PRKCB: variants seen among roughly 807,000 people sequenced by gnomAD.
The protein encoded by PRKCB is protein kinase C beta, also known as protein kinase C beta type.
Under a neutral mutation model 81.5 loss-of-function variants are expected in PRKCB, and 13 were observed. The observed-to-expected ratio is 0.16, with a 90% CI of 0.10 to 0.25. PRKCB has a LOEUF of 0.25. Ranked by LOEUF, PRKCB falls within the 10% of genes least tolerant of loss-of-function variation. The pLI, the probability that PRKCB is intolerant of heterozygous loss-of-function variation, is 1.00. For missense variants in PRKCB, 509 were observed against 875.7 expected, an observed-to-expected ratio of 0.58 and a Z score of 5.29; for synonymous variants, 335 against 321.4, an observed-to-expected ratio of 1.04 and a Z score of -0.45.
In PRKCB at chr16:24,188,962, C is replaced by T. The variant is rs970586388; in HGVS notation, c.1723-2128C>T. Among the ~76,000 whole-genome samples, 5 of 152,290 alleles carry T rather than the reference C, an allele frequency of 3.3e-5. No individual in the cohort carries two copies. The Middle Eastern group carries it at 0.014, about 414-fold the overall frequency. On this transcript the variant is annotated intron_variant, in intron 15 of 16. Coordinates refer to ENST00000643927, the MANE Select transcript of PRKCB (RefSeq NM_002738.7). ...ATATGATGTTGTCATACTCAGTACA[C>T]GGAAGCCGTTATTGATGTTATTATC... is the stretch of plus-strand genomic sequence containing the variant.
chr16:23,865,852 A>T (rs1293100616), intron 2 of PRKCB, among the ~76,000 whole-genome samples: 2 of 151,740 alleles, frequency 1.3e-5, no homozygotes, highest in East Asian at 3.9e-4. Context: ...AGCCCAGAAG[A>T]GGGAGGCCTC....
chr16:23,866,768 GC>G (rs1330316511), intron 2 of PRKCB, among the ~76,000 whole-genome samples: 1 of 152,184 alleles, frequency 6.6e-6, no homozygotes, highest in Non-Finnish European at 1.5e-5. Context: ...CTCCAGAATA[GC>G]TGGACCACTG....
intron 9 of PRKCB, among the ~76,000 whole-genome samples, chr16:24,135,555 C>G (rs1385879164): frequency 1.3e-5 from 2 of 152,016 alleles, no homozygotes; most frequent in African/African-American, 4.8e-5. Flanking sequence ...TCAAGTGATC[C>G]GCCTGCCTCA....
chr16:23,927,952 C>G (rs1963919107), intron 2 of PRKCB, among the ~76,000 whole-genome samples: 1 of 151,846 alleles, frequency 6.6e-6, no homozygotes. Context: ...TGAGCCTTAG[C>G]TGCACATCAG....
rs868626400 is a variant in PRKCB at position 24,052,247 on chromosome 16, C to T, written c.529+16700C>T. ...AGAATCATCTAGAGAGTGCCCCACCCTCAGAGTTTCTGATTCAGTAGACAT... is the reference window on the plus strand; with the variant it reads ...AGAATCATCTAGAGAGTGCCCCACCTTCAGAGTTTCTGATTCAGTAGACAT... On this transcript the variant is annotated intron_variant, in intron 5 of 16. Coordinates refer to ENST00000643927, the MANE Select transcript of PRKCB (RefSeq NM_002738.7). Among the ~76,000 whole-genome samples, 36 of 152,172 alleles carry T rather than the reference C, an allele frequency of 2.4e-4. 1 individual carries two copies. The highest frequency in any genetic ancestry group is 2.8e-4 in the Non-Finnish European group (19 of 68,030).
At chr16:23,853,100 G>A (rs1339478116) in intron 2 of PRKCB, among the ~76,000 whole-genome samples, 1 of 152,198 alleles carries the variant, frequency 6.6e-6, no homozygotes, top group Non-Finnish European at 1.5e-5. Flanking sequence ...CATTCTGACA[G>A]TTTTTCCACA....
rs56902454 is a variant in PRKCB at position 24,182,902 on chromosome 16, T to TGTGTGTGTGTGTGTGTGTG, written c.1533+1974_1533+1975insGTGTGTGTGTGTGTGTGTG. ...GTGTGTGTGTGTGTGTGTGTGTGTG[T>TGTGTGTGTGTGTGTGTGTG]TTGAGACAGGGTCTCACTCTGTCTA... On this transcript the variant is annotated intron_variant, in intron 13 of 16. Coordinates refer to ENST00000643927, the MANE Select transcript of PRKCB (RefSeq NM_002738.7). 2.0e-4 allele frequency among the ~76,000 whole-genome samples: 31 copies of TGTGTGTGTGTGTGTGTGTG among 151,540 alleles called. 1 individual carries two copies. Among genetic ancestry groups the TGTGTGTGTGTGTGTGTGTG allele is most frequent in the African/African-American group, 4.4e-4 (18 of 41,202 alleles).
chr16:23,891,426 G>A (rs1480937567), intron 2 of PRKCB, among the ~76,000 whole-genome samples: 2 of 152,134 alleles, frequency 1.3e-5, no homozygotes, highest in African/African-American at 2.4e-5. Flanking sequence ...GTGTATGTAT[G>A]TGTGTGTATA....
intron 7 of PRKCB, among the ~76,000 whole-genome samples, chr16:24,110,135 G>T: frequency 1.0e-5 from 1 of 96,268 alleles, no homozygotes; most frequent in Non-Finnish European, 1.9e-5. Context: ...GAGAGGGAGA[G>T]GGAGAGGAGG....
intron 2 of PRKCB, among the ~76,000 whole-genome samples, chr16:23,839,569 C>A (rs531463815): frequency 6.6e-6 from 1 of 152,236 alleles, no homozygotes; most frequent in South Asian, 2.1e-4. Flanking sequence ...CACTATGCCC[C>A]TCTGGAGTGT....
intron 3 of PRKCB, among the ~76,000 whole-genome samples, chr16:24,008,889 C>T (rs1965163926): frequency 6.6e-6 from 1 of 152,178 alleles, no homozygotes; most frequent in Non-Finnish European, 1.5e-5. Context: ...ACCACCCTTT[C>T]ACTCTGATTT....
rs369458504 is a variant in PRKCB, at chr16:23,873,954, G to A, written c.205+36548G>A. ...TACTAGATTCTTGCCTCCTGCCTCT[G>A]TAAATCACTCGGTCACTTCCCGATC... On this transcript the variant is annotated intron_variant, in intron 2 of 16. Transcript: ENST00000643927. 2.6e-5 allele frequency among the ~76,000 whole-genome samples: 4 copies of A among 151,890 alleles called. No homozygotes were observed. The East Asian group carries it at 5.8e-4, about 22-fold the overall frequency.
chr16:24,156,122 C>G (rs1967152351), intron 10 of PRKCB, among the ~76,000 whole-genome samples: 1 of 152,070 alleles, frequency 6.6e-6, no homozygotes, highest in African/African-American at 2.4e-5. Context: ...AGTGAGAATG[C>G]CTTTATAAAG....
At chr16:23,888,887 C>T (rs1186227656) in intron 2 of PRKCB, among the ~76,000 whole-genome samples, 4 of 152,192 alleles carry the variant, frequency 2.6e-5, no homozygotes, top group Non-Finnish European at 4.4e-5. Context: ...CCTATCACAG[C>T]TTTTCCACAG....
chr16:23,975,571 A>G (rs1295003528), intron 2 of PRKCB, among the ~76,000 whole-genome samples: 1 of 152,076 alleles, frequency 6.6e-6, no homozygotes, highest in Middle Eastern at 3.2e-3. Context: ...TCTTTGGGTG[A>G]CCTGAGTCAC....
At chr16:24,183,208 T>C (rs1967654526) in intron 13 of PRKCB, among the ~76,000 whole-genome samples, 1 of 152,298 alleles carries the variant, frequency 6.6e-6, no homozygotes, top group African/African-American at 2.4e-5. Context: ...TGCATTTCAT[T>C]CATTCATAAT....
intron 2 of PRKCB, among the ~76,000 whole-genome samples, chr16:23,907,678 A>C (rs1448565114): frequency 6.6e-6 from 1 of 152,190 alleles, no homozygotes; most frequent in East Asian, 1.9e-4. Flanking sequence ...GTGCCTATCT[A>C]TCTCAGAGAC....
chr16:23,945,577 G>T (rs1219272537), intron 2 of PRKCB, among the ~76,000 whole-genome samples: 5 of 152,088 alleles, frequency 3.3e-5, no homozygotes, highest in Admixed American at 3.3e-4. Context: ...GTGGATGGAG[G>T]TGCTGAGTGA....
At chr16:24,086,487 G>A (rs997819657) in intron 5 of PRKCB, among the ~76,000 whole-genome samples, 5 of 152,234 alleles carry the variant, frequency 3.3e-5, no homozygotes, top group African/African-American at 9.6e-5. Context: ...TATTCACCAC[G>A]GAGCTCATTT....
Sources: gnomAD v4.1 joint callset for allele counts (sites outside exome capture counted in the v4.1 genomes callset) on GRCh38, gnomAD v4.1.1 for gene constraint, MANE v1.5 for transcripts, NCBI Gene and HGNC (gene_info 2026-07-23, HGNC 2026-07-21) for gene names.